The following UPK1B variants were observed in gnomAD, a reference collection of about 807,000 sequenced individuals.
The protein encoded by UPK1B is uroplakin 1B, also known as uroplakin-1b.
Under a neutral mutation model 34.2 loss-of-function variants are expected in UPK1B, and 28 were observed. The ratio of observed to expected loss-of-function variants is 0.82; its 90% confidence interval spans 0.61 to 1.12. The LOEUF (loss-of-function observed/expected upper bound fraction) is 1.12. Ranked by LOEUF, UPK1B falls within the 50% of genes most tolerant of loss-of-function variation. The pLI is 0.00. For missense variants in UPK1B, 325 were observed against 320.9 expected, an observed-to-expected ratio of 1.01 and a Z score of -0.10; for synonymous variants, 81 against 110.4, an observed-to-expected ratio of 0.73 and a Z score of 1.67.
rs750499096 is a variant in UPK1B, at chr3:119,194,220, A to G, written c.470A>G (p.Asp157Gly). 6.2e-7 allele frequency: 1 copy of G among 1,613,666 alleles called. No individual in the cohort carries two copies. ...TTTGTATCTCTCATCTGCTGACAGG[A>G]CAATTGCTGTGGCGTAAATGGTCCA... is the stretch of plus-strand genomic sequence containing the variant. ...TKTWDRLMLQDNCCGVNGPSD... is the reference protein window; with the variant it reads ...TKTWDRLMLQGNCCGVNGPSD... The change falls in exon 6 of 8, where the codon GAC becomes GGC. Residue 157 changes from aspartate to glycine, a missense_variant and splice_region_variant. Transcript: ENST00000264234.
chr3:119,196,510 T>A (rs931647097), intron 6 of UPK1B, among the ~76,000 whole-genome samples: 1 of 151,190 alleles, frequency 6.6e-6, no homozygotes, highest in Non-Finnish European at 1.5e-5. Context: ...AATAAAGAAG[T>A]GAATAGTGAA....
intron 1 of UPK1B, among the ~76,000 whole-genome samples, chr3:119,177,545 C>T (rs577213265): frequency 2.0e-5 from 3 of 152,330 alleles, no homozygotes; most frequent in Admixed American, 6.5e-5. Context: ...CGTGAACAGG[C>T]ACCTGGCCAA....
intron 6 of UPK1B, 82 bp downstream of exon 6, chr3:119,194,480 G>A: frequency 2.3e-6 from 3 of 1,297,062 alleles, no homozygotes; most frequent in Non-Finnish European, 3.1e-6. Context: ...GTAGGAAATA[G>A]TCTTTCAGTA....
At chr3:119,187,635 A>T in intron 2 of UPK1B, 140 bp from the exon 3 acceptor site, 1 of 838,750 alleles carries the variant, frequency 1.2e-6, no homozygotes, top group Non-Finnish European at 1.9e-6. Context: ...TAGTTGTTTG[A>T]TTTCCTGGCA....
chr3:119,183,213 C>T (rs2077997067), intron 1 of UPK1B, among the ~76,000 whole-genome samples: 1 of 151,998 alleles, frequency 6.6e-6, no homozygotes, highest in Non-Finnish European at 1.5e-5. Flanking sequence ...TCAGCTTCTG[C>T]ACTTTCTAGC....
intron 1 of UPK1B, among the ~76,000 whole-genome samples, chr3:119,174,196 C>T (rs11927937): frequency 0.37 from 56,859 of 152,108 alleles, 11,651 homozygotes; most frequent in Non-Finnish European, 0.46. Flanking sequence ...TCTGCAAACA[C>T]TTCTGCTTAA....
chr3:119,175,031 T>A (rs1364834573), intron 1 of UPK1B, among the ~76,000 whole-genome samples: 2 of 79,698 alleles, frequency 2.5e-5, no homozygotes, highest in African/African-American at 8.7e-5. Context: ...TTTTTTTTTT[T>A]TTTTTTTTTT....
chr3:119,196,535 CTTTTTTT>C (rs34406185), intron 6 of UPK1B, among the ~76,000 whole-genome samples: 3 of 107,178 alleles, frequency 2.8e-5, no homozygotes, highest in Admixed American at 2.0e-4. Context: ...TTTTCTTTTT[CTTTTTTT>C]TTTTTTTTTT....
At chr3:119,196,540 T>TC (rs1272789750) in intron 6 of UPK1B, among the ~76,000 whole-genome samples, 1 of 144,548 alleles carries the variant, frequency 6.9e-6, no homozygotes, top group South Asian at 2.3e-4. Context: ...TTTTTCTTTT[T>TC]TTTTTTTTTT....
intron 7 of UPK1B, among the ~76,000 whole-genome samples, chr3:119,199,829 C>G (rs1004844411): frequency 3.3e-5 from 5 of 152,174 alleles, no homozygotes; most frequent in Non-Finnish European, 7.3e-5. Flanking sequence ...AACCCCTTTA[C>G]ACTCTCAAAA....
chr3:119,191,178 G>A lies in UPK1B; in HGVS notation c.468+74G>A, dbSNP rs950313257. The stretch of plus-strand genomic sequence containing the variant: ...GTGGGTGTCATACACATGACTCAGT[G>A]GGACCCTATATTTTATTTCAAGCCA... On this transcript the variant is annotated intron_variant, in intron 5 of 7. Coordinates refer to ENST00000264234, the MANE Select transcript of UPK1B (RefSeq NM_006952.4). 2.0e-6 allele frequency: 3 copies of A among 1,509,002 alleles called. No individual in the cohort carries two copies. In the African/African-American group the frequency reaches 4.2e-5, roughly 21 times the overall value. 93.5% of individuals were successfully genotyped at this position (1,509,002 alleles called of 1,614,324 possible).
chr3:119,199,551 G>A (rs1576872920), intron 7 of UPK1B, among the ~76,000 whole-genome samples: 2 of 152,248 alleles, frequency 1.3e-5, no homozygotes, highest in Admixed American at 1.3e-4. Context: ...CTTCTAAAGA[G>A]CTGCCTCTGG....
intron 1 of UPK1B, among the ~76,000 whole-genome samples, chr3:119,178,415 G>T (rs2107570604): frequency 6.6e-6 from 1 of 152,284 alleles, no homozygotes; most frequent in East Asian, 1.9e-4. Flanking sequence ...GCTCTCCTTT[G>T]AATTTAGGCT....
chr3:119,173,825 C>T (rs1417526711), intron 1 of UPK1B, among the ~76,000 whole-genome samples, 187 bp downstream of exon 1: 1 of 151,974 alleles, frequency 6.6e-6, no homozygotes, highest in Non-Finnish European at 1.5e-5. Context: ...TACTTTGAAC[C>T]GTTGGAATTG....
intron 2 of UPK1B, 46 bp from the exon 3 acceptor site, chr3:119,187,729 C>T (rs1239740639): frequency 2.9e-6 from 4 of 1,396,452 alleles, no homozygotes; most frequent in Non-Finnish European, 4.0e-6. Context: ...CACCCCCTTT[C>T]CCAAAGCTGC....
intron 1 of UPK1B, among the ~76,000 whole-genome samples, chr3:119,184,563 C>CA (rs11369996): frequency 0.5 from 58,650 of 117,058 alleles, 13,424 homozygotes; most frequent in East Asian, 0.61. Context: ...ACTAAAAATA[C>CA]AAAAAAAAAA....
At chr3:119,198,222 T>G (rs559388004) in intron 6 of UPK1B, among the ~76,000 whole-genome samples, 1 of 152,242 alleles carries the variant, frequency 6.6e-6, no homozygotes, top group Admixed American at 6.5e-5. Flanking sequence ...GCTCATTCGC[T>G]TTATAGAGAA....
intron 1 of UPK1B, among the ~76,000 whole-genome samples, chr3:119,178,441 A>G (rs888261704): frequency 6.6e-6 from 1 of 152,182 alleles, no homozygotes; most frequent in African/African-American, 2.4e-5. Context: ...GAACCTTTGA[A>G]GGGTTCTAAG....
intron 3 of UPK1B, 108 bp downstream of exon 3, chr3:119,188,083 A>G: frequency 8.4e-7 from 1 of 1,196,440 alleles, no homozygotes; most frequent in Non-Finnish European, 1.2e-6. Flanking sequence ...AGGAAGTACC[A>G]GATAAGGGGT....
Sources: gnomAD v4.1 joint callset for allele counts (sites outside exome capture counted in the v4.1 genomes callset) on GRCh38, gnomAD v4.1.1 for gene constraint, MANE v1.5 for transcripts, NCBI Gene and HGNC (gene_info 2026-07-23, HGNC 2026-07-21) for gene names.